The following TANGO6 variants were observed in gnomAD, a reference collection of about 807,000 sequenced individuals.
TANGO6 encodes transport and golgi organization 6 homolog.
Under a neutral mutation model 114.2 loss-of-function variants are expected in TANGO6, and 90 were observed. That is an observed-to-expected ratio of 0.79 (90% confidence interval 0.66 to 0.94). The LOEUF (loss-of-function observed/expected upper bound fraction) is 0.94. TANGO6 is among the 40% of genes least tolerant of loss of function. TANGO6 has a pLI of 0.00. For missense variants in TANGO6, 1,274 were observed against 1,315.3 expected, an observed-to-expected ratio of 0.97 and a Z score of 0.49; for synonymous variants, 477 against 509.8, an observed-to-expected ratio of 0.94 and a Z score of 0.87.
intron 17 of TANGO6, among the ~76,000 whole-genome samples, chr16:69,060,770 G>T (rs993869572): frequency 6.6e-6 from 1 of 151,960 alleles, no homozygotes; most frequent in African/African-American, 2.4e-5. Flanking sequence ...GAGGCGGGAG[G>T]ATCACAAGGT....
At position 68,927,623 on chromosome 16, in the gene TANGO6, T is replaced by G; in HGVS notation, c.2183T>G (p.Val728Gly). Residue 728 changes from valine to glycine, a missense_variant, in exon 13 of 18, where the codon GTA becomes GGA. This residue lies in a region of TANGO6 where 908 missense variants were observed against 910.2 expected (regional missense o/e 1.00). Coordinates refer to ENST00000261778, the MANE Select transcript of TANGO6 (RefSeq NM_024562.2). ...CAGTTGTTGCCTCTGTTGGAGAAGGTATCCAACACATACCCTGATCCGGTC... is the reference window on the plus strand; with the variant it reads ...CAGTTGTTGCCTCTGTTGGAGAAGGGATCCAACACATACCCTGATCCGGTC... ...LKQLLPLLEK[V>G]SNTYPDPVIQ... The G allele has an allele frequency of 6.2e-7, 1 of 1,614,008 alleles. No individual in the cohort carries two copies. The highest frequency in any genetic ancestry group is 2.2e-5 in the East Asian group (1 of 44,886).
At chr16:68,875,410 G>A in intron 5 of TANGO6, 120 bp downstream of exon 5, 4 of 1,196,896 alleles carry the variant, frequency 3.3e-6, no homozygotes, top group Non-Finnish European at 3.4e-6. Flanking sequence ...TTATTGTTTA[G>A]TGAGGAGCCT....
Position 68,859,989 on chromosome 16 carries a change from G to A in TANGO6, c.200G>A (p.Trp67Ter). 6.2e-7 allele frequency: 1 copy of A among 1,613,914 alleles called. No homozygotes were observed. The highest frequency in any genetic ancestry group is 1.7e-4 in the Middle Eastern group (1 of 6,060). ...LEDKFLKDPQ[W>*]KNLKLLRDEI... is the part of the protein sequence containing the mutation. ...GACAAGTTTCTGAAGGATCCTCAGT[G>A]GAAGAATCTGAAACTCCTAAGAGAT... Residue 67 changes from tryptophan (W) to a stop codon, truncating the protein, a stop_gained, in exon 2 of 18, where the codon TGG becomes TAG. Coordinates refer to ENST00000261778, the MANE Select transcript of TANGO6 (RefSeq NM_024562.2). LOFTEE classifies it high-confidence loss of function.
At chr16:69,036,917 C>T (rs1225983615) in intron 16 of TANGO6, among the ~76,000 whole-genome samples, 1 of 151,802 alleles carries the variant, frequency 6.6e-6, no homozygotes, top group African/African-American at 2.4e-5. Context: ...GAGCTGAGAT[C>T]ATGCCACTGC....
At chr16:69,079,646 T>G (rs977784188) in intron 17 of TANGO6, among the ~76,000 whole-genome samples, 2 of 152,122 alleles carry the variant, frequency 1.3e-5, no homozygotes, top group African/African-American at 4.8e-5. Context: ...AAATACAAAT[T>G]TATGTTTATA....
At chr16:69,026,876 T>A (rs1170222194) in intron 16 of TANGO6, among the ~76,000 whole-genome samples, 1 of 152,146 alleles carries the variant, frequency 6.6e-6, no homozygotes, top group Non-Finnish European at 1.5e-5. Flanking sequence ...TTTTTTTTAT[T>A]TTTTGAGATG....
intron 8 of TANGO6, among the ~76,000 whole-genome samples, chr16:68,901,552 G>A (rs1457622707): frequency 1.3e-5 from 2 of 152,062 alleles, no homozygotes; most frequent in Non-Finnish European, 1.5e-5. Flanking sequence ...GCAGTGGTGC[G>A]ATCTCGGCTC....
rs935686251 is a variant in TANGO6 at position 68,991,710 on chromosome 16, C to T, written c.2842+17542C>T. Among the ~76,000 whole-genome samples the T allele has an allele frequency of 7.9e-5, 12 of 151,706 alleles. 1 individual carries two copies. The South Asian group carries it at 1.3e-3, about 16-fold the overall frequency. Reference sequence around the variant, plus strand: ...GCATGCATCTGTAATCCCAGCTACTCGGGAGGCTGAGGCAGAAGAATCACT... The same window carrying T: ...GCATGCATCTGTAATCCCAGCTACTTGGGAGGCTGAGGCAGAAGAATCACT... On this transcript the variant is annotated intron_variant, in intron 15 of 17. Coordinates refer to ENST00000261778, the MANE Select transcript of TANGO6 (RefSeq NM_024562.2).
chr16:69,036,615 T>C (rs1021090088), intron 16 of TANGO6, among the ~76,000 whole-genome samples: 27 of 152,076 alleles, frequency 1.8e-4, no homozygotes, highest in African/African-American at 5.8e-4. Flanking sequence ...CAGCAAGGCT[T>C]GTCATAACTA....
At chr16:68,958,777 T>A (rs1164518714) in intron 14 of TANGO6, among the ~76,000 whole-genome samples, 1 of 151,686 alleles carries the variant, frequency 6.6e-6, no homozygotes, top group Non-Finnish European at 1.5e-5. Flanking sequence ...CTACGAAGCA[T>A]TTTTTAATAT....
Position 68,998,873 on chromosome 16 carries a change from A to C in TANGO6, c.2843-23955A>C, listed in dbSNP as rs188559453. Among the ~76,000 whole-genome samples the C allele has an allele frequency of 3.6e-4, 54 of 151,964 alleles. 1 individual carries two copies. In the East Asian group the frequency reaches 9.1e-3, roughly 26 times the overall value. On this transcript the variant is annotated intron_variant, in intron 15 of 17. Transcript: ENST00000261778. ...ATTGTCTTTGATGAAACATTGTTCC[A>C]TAGGAATCCCAGACTTTATTGATTG...
At chr16:68,851,639 C>T (rs540923099) in intron 1 of TANGO6, among the ~76,000 whole-genome samples, 1 of 152,080 alleles carries the variant, frequency 6.6e-6, no homozygotes, top group Non-Finnish European at 1.5e-5. Context: ...CTTGTAAATA[C>T]GTAATTTTGC....
intron 16 of TANGO6, among the ~76,000 whole-genome samples, chr16:69,032,701 AC>A (rs1164457572): frequency 6.6e-6 from 1 of 151,766 alleles, no homozygotes; most frequent in Non-Finnish European, 1.5e-5. Flanking sequence ...AGATGGTGAA[AC>A]CCCGTCTCTA....
At position 69,083,642 on chromosome 16, in the gene TANGO6, A is replaced by T. The variant is rs760199069; in HGVS notation, c.3266A>T (p.Lys1089Met). Residue 1089 changes from lysine (K) to methionine (M), a missense_variant, in exon 18 of 18, where the codon AAG becomes ATG. By Grantham distance (95) the Lys-to-Met change is moderately conservative. Around this residue, in one of 5 missense-constraint regions of TANGO6, gnomAD observed 238 missense variants for 252.9 expected, o/e 0.94. Transcript: ENST00000261778. ...TTCCCTCCACAGAAGCTGGAGAAGA[A>T]GATCATGGTCCTGCCGTAGACCTGG... Reference protein sequence around the residue: ...FLFPPQKLEKKIMVLP With the variant: ...FLFPPQKLEKMIMVLP 10 of 1,564,160 alleles carry T rather than the reference A, an allele frequency of 6.4e-6. No individual in the cohort carries two copies. In the African/African-American group the frequency reaches 6.8e-5, roughly 11 times the overall value.
At chr16:68,879,762 G>T (rs567664175) in intron 6 of TANGO6, among the ~76,000 whole-genome samples, 47 of 148,434 alleles carry the variant, frequency 3.2e-4, no homozygotes, top group Middle Eastern at 7.2e-3. Flanking sequence ...GATTACAGGT[G>T]CCCGTCACCA....
At chr16:69,078,414 A>AG (rs1597082575) in intron 17 of TANGO6, among the ~76,000 whole-genome samples, 3 of 152,352 alleles carry the variant, frequency 2.0e-5, no homozygotes, top group Admixed American at 1.3e-4. Context: ...TGGAATGCTC[A>AG]GGGGACTCTG....
At chr16:68,988,534 G>GA (rs1963917644) in intron 15 of TANGO6, among the ~76,000 whole-genome samples, 1 of 151,898 alleles carries the variant, frequency 6.6e-6, no homozygotes, top group East Asian at 1.9e-4. Context: ...GTTTTTAATA[G>GA]AAAAAAATCC....
chr16:69,069,095 T>C (rs1960260899), intron 17 of TANGO6, among the ~76,000 whole-genome samples: 1 of 152,140 alleles, frequency 6.6e-6, no homozygotes, highest in African/African-American at 2.4e-5. Context: ...ATAGACGAGA[T>C]CACTGGGGTT....
rs575927938 is a variant in TANGO6 at position 68,994,755 on chromosome 16, A to T, written c.2842+20587A>T. On this transcript the variant is annotated intron_variant, in intron 15 of 17. Coordinates refer to ENST00000261778, the MANE Select transcript of TANGO6 (RefSeq NM_024562.2). ...ACGTCCAGCTAATTTAAAAAAAAAA[A>T]TTTTTTTTTTGTAGAGATGGGGTTT... Among the ~76,000 whole-genome samples the T allele has an allele frequency of 3.8e-3, 568 of 149,040 alleles. 4 individuals are homozygous for T. The highest frequency in any genetic ancestry group is 0.012 in the African/African-American group (504 of 40,646).
Sources: gnomAD v4.1 joint callset for allele counts (sites outside exome capture counted in the v4.1 genomes callset) on GRCh38, gnomAD v4.1.1 for gene constraint, gnomAD v4.1.1 regional missense constraint, MANE v1.5 for transcripts, NCBI Gene and HGNC (gene_info 2026-07-23, HGNC 2026-07-21) for gene names.